HECW2: variants seen among roughly 807,000 people sequenced by gnomAD.
The protein encoded by HECW2 is E3 ubiquitin-protein ligase HECW2.
In HECW2, 61 loss-of-function variants were observed where a neutral mutation model predicts 175.2. That is an observed-to-expected ratio of 0.35 (90% CI 0.28 to 0.43). The LOEUF is 0.43. Among genes scored for constraint, HECW2 ranks in the 20% least tolerant of loss-of-function variants. HECW2 has a pLI of 1.00. For missense variants in HECW2, 1,524 were observed against 2,000.5 expected (o/e 0.76, Z 4.54); for synonymous variants, 671 against 731.0 (o/e 0.92, Z 1.32).
intron 1 of HECW2, among the ~76,000 whole-genome samples, chr2:196,434,230 A>G (rs1266837996): frequency 6.6e-6 from 1 of 152,202 alleles, no homozygotes; most frequent in African/African-American, 2.4e-5. Context: ...GTCGATAAAT[A>G]TTTGTTAAAT....
At chr2:196,586,885 T>C (rs954661855) in intron 1 of HECW2, among the ~76,000 whole-genome samples, 4 of 152,168 alleles carry the variant, frequency 2.6e-5, no homozygotes, top group Non-Finnish European at 4.4e-5. Context: ...CATCCAACCA[T>C]AAAGTGAAAT....
intron 1 of HECW2, among the ~76,000 whole-genome samples, chr2:196,496,199 A>G (rs1687386289): frequency 6.6e-6 from 1 of 151,712 alleles, no homozygotes; most frequent in Non-Finnish European, 1.5e-5. Flanking sequence ...TTTTAACTTT[A>G]CCTTTGTATG....
intron 2 of HECW2, among the ~76,000 whole-genome samples, chr2:196,356,378 C>T (rs1302822942): frequency 2.0e-5 from 3 of 152,154 alleles, no homozygotes. Flanking sequence ...CCAAAGTTAA[C>T]CTTAGTCTGA....
At chr2:196,292,908 G>A (rs1051615211) in intron 13 of HECW2, among the ~76,000 whole-genome samples, 158 bp from the exon 14 acceptor site, 1 of 152,208 alleles carries the variant, frequency 6.6e-6, no homozygotes, top group Non-Finnish European at 1.5e-5. Flanking sequence ...AGCAGACAGA[G>A]CAAAATATCT....
Position 196,515,819 on chromosome 2 carries a change from G to A in HECW2, c.-36+77689C>T, listed in dbSNP as rs184788890. On this transcript the variant is annotated intron_variant, in intron 1 of 28. Transcript: ENST00000644978. ...TCCACAAAACTGGTTTTGCTACTAT[G>A]AGTGTTATTAAAACAAAACCTAGGC... Among the ~76,000 whole-genome samples the A allele has an allele frequency of 1.7e-3, 261 of 152,176 alleles. 1 individual carries two copies. The highest frequency in any genetic ancestry group is 3.1e-3 in the Non-Finnish European group (208 of 68,002).
intron 2 of HECW2, among the ~76,000 whole-genome samples, chr2:196,403,128 G>A (rs1003230646): frequency 6.6e-6 from 1 of 152,072 alleles, no homozygotes; most frequent in African/African-American, 2.4e-5. Flanking sequence ...TTATTCTTCT[G>A]TCATTCTTTC....
chr2:196,588,339 T>G (rs11904273), intron 1 of HECW2, among the ~76,000 whole-genome samples: 5,479 of 152,296 alleles, frequency 0.036, 332 homozygotes, highest in African/African-American at 0.12. Context: ...TGAATTAAAT[T>G]TTTTCATTGC....
chr2:196,228,640 C>G (rs1422624720), intron 21 of HECW2, among the ~76,000 whole-genome samples: 1 of 152,102 alleles, frequency 6.6e-6, no homozygotes, highest in African/African-American at 2.4e-5. Context: ...TTTATTTAAA[C>G]AGGGTAAAAC....
chr2:196,361,478 G>A (rs1693585390), intron 2 of HECW2, among the ~76,000 whole-genome samples: 1 of 152,128 alleles, frequency 6.6e-6, no homozygotes. Flanking sequence ...CTCAACCTAA[G>A]GCAATTTTCA....
chr2:196,235,178 A>C (rs1459257952), intron 21 of HECW2, among the ~76,000 whole-genome samples: 2 of 151,366 alleles, frequency 1.3e-5, no homozygotes, highest in African/African-American at 4.9e-5. Flanking sequence ...GCTCACTGCA[A>C]GCTCTGCCTC....
At chr2:196,325,896 C>CCATT (rs1692133116) in intron 5 of HECW2, among the ~76,000 whole-genome samples, 1 of 152,152 alleles carries the variant, frequency 6.6e-6, no homozygotes. Flanking sequence ...TAGCCAAAGT[C>CCATT]CATTTAGTGA....
chr2:196,373,968 C>G (rs1182521488), intron 2 of HECW2, among the ~76,000 whole-genome samples: 5 of 151,070 alleles, frequency 3.3e-5, no homozygotes, highest in Admixed American at 1.3e-4. Context: ...GGAGGCGGAG[C>G]TTGCAGTGAG....
chr2:196,515,455 C>A (rs1301999323), intron 1 of HECW2, among the ~76,000 whole-genome samples: 2 of 152,218 alleles, frequency 1.3e-5, no homozygotes. Flanking sequence ...GACACCCTGA[C>A]ATCTAAACTC....
At chr2:196,309,220 A>C (rs1691387720) in intron 10 of HECW2, among the ~76,000 whole-genome samples, 1 of 152,222 alleles carries the variant, frequency 6.6e-6, no homozygotes, top group Non-Finnish European at 1.5e-5. Flanking sequence ...CTCAGCCTGC[A>C]CCAGACCATT....
chr2:196,322,309 T>G (rs1397666264), intron 7 of HECW2, among the ~76,000 whole-genome samples, 169 bp downstream of exon 7: 1 of 152,244 alleles, frequency 6.6e-6, no homozygotes, highest in African/African-American at 2.4e-5. Flanking sequence ...TAAAATAAAC[T>G]ACTTTTTTGT....
At chr2:196,527,367 G>A (rs535148480) in intron 1 of HECW2, among the ~76,000 whole-genome samples, 7 of 152,232 alleles carry the variant, frequency 4.6e-5, no homozygotes, top group African/African-American at 9.6e-5. Context: ...ACTGGCCTGC[G>A]CCCACTGTCT....
At chr2:196,532,136 C>T (rs1053961813) in intron 1 of HECW2, among the ~76,000 whole-genome samples, 2 of 152,122 alleles carry the variant, frequency 1.3e-5, no homozygotes, top group African/African-American at 4.8e-5. Context: ...GGGTATATAC[C>T]CAAAGGATTA....
At chr2:196,558,129 G>A (rs1689872076) in intron 1 of HECW2, among the ~76,000 whole-genome samples, 3 of 152,124 alleles carry the variant, frequency 2.0e-5, no homozygotes, top group Admixed American at 2.0e-4. Context: ...TCTTCATCCA[G>A]TAGTTTTCTT....
intron 1 of HECW2, among the ~76,000 whole-genome samples, chr2:196,457,332 G>T (rs2375855): frequency 0.22 from 32,868 of 152,010 alleles, 4,047 homozygotes; most frequent in African/African-American, 0.34. Flanking sequence ...CTTCATTCTG[G>T]ACGACTTTTT....
Sources: allele counts gnomAD v4.1 joint callset (sites outside exome capture counted in the v4.1 genomes callset), GRCh38; gene constraint gnomAD v4.1.1; transcripts MANE v1.5; gene names NCBI Gene and HGNC (gene_info 2026-07-23, HGNC 2026-07-21).